AGL: variants seen among roughly 807,000 people sequenced by gnomAD.
The protein encoded by AGL is glycogen debranching enzyme.
In AGL, 128 loss-of-function variants were observed where a neutral mutation model predicts 199.3. The observed-to-expected ratio is 0.64, with a 90% CI of 0.56 to 0.74. The LOEUF (loss-of-function observed/expected upper bound fraction) is 0.74. AGL is among the 30% of genes least tolerant of loss of function. The pLI, the probability that AGL is intolerant of heterozygous loss-of-function variation, is 0.00. For missense variants in AGL, 1,809 were observed against 1,820.8 expected (o/e 0.99, Z 0.12); for synonymous variants, 584 against 594.7 (o/e 0.98, Z 0.26).
intron 27 of AGL, among the ~76,000 whole-genome samples, chr1:99,904,835 A>G (rs1654131709): frequency 6.6e-6 from 1 of 152,178 alleles, no homozygotes; most frequent in Non-Finnish European, 1.5e-5. Context: ...TTTTATGCAT[A>G]TACCAGTATT....
intron 2 of AGL, chr1:99,861,064 A>G (rs1261039759): frequency 4.2e-6 from 2 of 475,018 alleles, no homozygotes; most frequent in South Asian, 1.2e-4. Context: ...CCCAAGTTTT[A>G]CAGACTATCA....
intron 17 of AGL, among the ~76,000 whole-genome samples, chr1:99,882,613 C>T (rs1652137595): frequency 6.6e-6 from 1 of 152,162 alleles, no homozygotes; most frequent in African/African-American, 2.4e-5. Flanking sequence ...ATTATAGTCT[C>T]TATGTATTCC....
At chr1:99,898,195 C>T (rs1381204025) in intron 25 of AGL, among the ~76,000 whole-genome samples, 4 of 151,962 alleles carry the variant, frequency 2.6e-5, no homozygotes, top group Non-Finnish European at 4.4e-5. Flanking sequence ...TACAGGCGCC[C>T]GCCACCACAC....
intron 24 of AGL, among the ~76,000 whole-genome samples, chr1:99,894,733 T>G (rs1049729738): frequency 2.6e-5 from 4 of 152,154 alleles, no homozygotes; most frequent in Non-Finnish European, 5.9e-5. Context: ...TTCTTTTATC[T>G]TAGTCAAATT....
intron 28 of AGL, among the ~76,000 whole-genome samples, chr1:99,912,199 A>T (rs527651745): frequency 4.0e-4 from 61 of 152,264 alleles, no homozygotes; most frequent in African/African-American, 1.4e-3. Context: ...AGAATTTTTT[A>T]AAATTATGTG....
At chr1:99,880,527 A>G in intron 13 of AGL, 105 bp from the exon 14 acceptor site, 1 of 1,306,252 alleles carries the variant, frequency 7.7e-7, no homozygotes, top group East Asian at 2.3e-5. Flanking sequence ...ATTTTTTATA[A>G]TATTGATGTG....
At chr1:99,918,056 C>T (rs2041220102) in intron 33 of AGL, among the ~76,000 whole-genome samples, 1 of 152,162 alleles carries the variant, frequency 6.6e-6, no homozygotes, top group Non-Finnish European at 1.5e-5. Flanking sequence ...GGACTTTCTC[C>T]ATCATGTCTT....
chr1:99,854,413 A>G (rs1381194476), intron 2 of AGL, among the ~76,000 whole-genome samples: 1 of 152,220 alleles, frequency 6.6e-6, no homozygotes, highest in African/African-American at 2.4e-5. Flanking sequence ...TCCAAATGTT[A>G]TAAATGAGAA....
chr1:99,851,081 C>T lies in AGL; in HGVS notation c.39C>T (p.Asn13=), dbSNP rs138203039. ...AACAGATTCGAATTTTACTTCTGAA[C>T]GAAATGGAGAAACTGGAAAAGACCC... The part of the protein sequence containing the change: ...HSKQIRILLL[N]EMEKLEKTLF... The change falls in exon 2 of 34, where the codon AAC becomes AAT. Residue 13 remains asparagine (N), a synonymous_variant. Coordinates refer to ENST00000361915, the MANE Select transcript of AGL (RefSeq NM_000642.3). The T allele has an allele frequency of 8.3e-4, 1,332 of 1,614,036 alleles. 13 individuals carry two copies. The highest frequency in any genetic ancestry group is 7.5e-3 in the South Asian group (685 of 91,088).
chr1:99,883,059 G>A (rs933398047), intron 17 of AGL, among the ~76,000 whole-genome samples: 3 of 152,034 alleles, frequency 2.0e-5, no homozygotes, highest in African/African-American at 7.2e-5. Flanking sequence ...ACTTCAGTCC[G>A]CAAAATTGTG....
intron 30 of AGL, 25 bp from the exon 31 acceptor site, chr1:99,915,364 T>C (rs1655035626): frequency 6.4e-7 from 1 of 1,561,986 alleles, no homozygotes; most frequent in East Asian, 2.2e-5. Context: ...TAAAAATTTG[T>C]ATATTTGTTT....
In AGL at chr1:99,892,562, G is replaced by T. The variant is rs752840373; in HGVS notation, c.3214G>T (p.Glu1072Ter). The change falls in exon 24 of 34, where the codon GAG (glutamate) becomes TAG (stop). Residue 1072 changes from glutamate to a stop codon, truncating the protein, a stop_gained. Coordinates refer to ENST00000361915, the MANE Select transcript of AGL (RefSeq NM_000642.3). LOFTEE classifies it high-confidence loss of function. Reference sequence around the variant, plus strand: ...AATGGATGTACCTTATAGGTTAAATGAGATCACAAAAGAAAAGGAGCAATG... The same window carrying T: ...AATGGATGTACCTTATAGGTTAAATTAGATCACAAAAGAAAAGGAGCAATG... ...ALMDVPYRLN[E>*]ITKEKEQCCV... The T allele has an allele frequency of 1.2e-6, 2 of 1,613,550 alleles. No individual in the cohort carries two copies. The highest frequency in any genetic ancestry group is 1.7e-6 in the Non-Finnish European group (2 of 1,179,678).
chr1:99,897,205 C>T (rs1158847511), intron 25 of AGL, among the ~76,000 whole-genome samples: 1 of 152,220 alleles, frequency 6.6e-6, no homozygotes, highest in African/African-American at 2.4e-5. Context: ...ACTCAAAATG[C>T]ATTCCACACA....
Position 99,870,846 on chromosome 1 carries a change from A to G in AGL, c.935A>G (p.Gln312Arg), listed in dbSNP as rs1490125842. The G allele has an allele frequency of 6.2e-7, 1 of 1,603,240 alleles. No homozygotes were observed. Among genetic ancestry groups the G allele is most frequent in the South Asian group, 1.1e-5 (1 of 90,854 alleles). The change falls in exon 7 of 34, where the codon CAA (glutamine) becomes CGA (arginine). Residue 312 changes from glutamine (Q) to arginine (R), a missense_variant. Gln to Arg is a conservative substitution (Grantham distance 43, BLOSUM62 1). Coordinates refer to ENST00000361915, the MANE Select transcript of AGL (RefSeq NM_000642.3). The stretch of plus-strand genomic sequence containing the variant: ...GTAGATGTCAACAAAGCGGTTGAGC[A>G]ATTTAGAAGACTTCTTACACAAGGT... ...FQVDVNKAVE[Q>R]FRRLLTQENR...
In AGL at chr1:99,912,515, A is replaced by G. The variant is rs1654822427; in HGVS notation, c.3947A>G (p.His1316Arg). The G allele has an allele frequency of 1.2e-6, 2 of 1,600,508 alleles. No individual in the cohort carries two copies. The highest frequency in any genetic ancestry group is 1.3e-5 in the African/African-American group (1 of 74,786). ...FPYHEVTVKRHGKAIKVSYDE... is the reference protein window; with the variant it reads ...FPYHEVTVKRRGKAIKVSYDE... ...TATCATGAAGTCACAGTAAAAAGAC[A>G]TGGTAAGCTGGTTATTTTATTTACA... Residue 1316 changes from histidine (H) to arginine (R), a missense_variant and splice_region_variant, in exon 29 of 34, where the codon CAT becomes CGT. His to Arg is a conservative substitution (Grantham distance 29). Coordinates refer to ENST00000361915, the MANE Select transcript of AGL (RefSeq NM_000642.3).
intron 5 of AGL, among the ~76,000 whole-genome samples, chr1:99,870,138 C>A (rs1650864040): frequency 6.6e-6 from 1 of 151,958 alleles, no homozygotes; most frequent in African/African-American, 2.4e-5. Context: ...AAAAGTGTTA[C>A]CTATGAGAGA....
At chr1:99,883,256 C>T (rs1035356472) in intron 17 of AGL, among the ~76,000 whole-genome samples, 6 of 152,080 alleles carry the variant, frequency 3.9e-5, no homozygotes, top group African/African-American at 1.4e-4. Context: ...TTACCTGTTG[C>T]CAGATTAATG....
intron 2 of AGL, among the ~76,000 whole-genome samples, chr1:99,858,826 T>C (rs781184982): frequency 6.6e-6 from 1 of 151,940 alleles, no homozygotes; most frequent in East Asian, 1.9e-4. Flanking sequence ...TAAAATGTAT[T>C]ATTTAAATAT....
Position 99,892,463 on chromosome 1 carries a change from C to T in AGL, c.3115C>T (p.His1039Tyr). The T allele has an allele frequency of 6.2e-7, 1 of 1,613,568 alleles. No individual in the cohort carries two copies. The highest frequency in any genetic ancestry group is 2.2e-5 in the East Asian group (1 of 44,804). The change falls in exon 24 of 34, where the codon CAC becomes TAC. Residue 1039 changes from histidine to tyrosine, a missense_variant. His to Tyr is a moderately conservative substitution (Grantham distance 83). Transcript: ENST00000361915. ...TCAGAATGGTTCAACCTTTGTGAAACACCTTTCATTGGGTTCAGTTCAACT... is the reference window on the plus strand; with the variant it reads ...TCAGAATGGTTCAACCTTTGTGAAATACCTTTCATTGGGTTCAGTTCAACT... ...FVQNGSTFVKHLSLGSVQLCG... is the reference protein window; with the variant it reads ...FVQNGSTFVKYLSLGSVQLCG...
Sources: allele counts gnomAD v4.1 joint callset (sites outside exome capture counted in the v4.1 genomes callset), GRCh38; gene constraint gnomAD v4.1.1; transcripts MANE v1.5; gene names NCBI Gene and HGNC (gene_info 2026-07-23, HGNC 2026-07-21).